The following ZFPM2 variants were observed in gnomAD, a reference collection of about 807,000 sequenced individuals.
The protein encoded by ZFPM2 is zinc finger protein, FOG family member 2.
Under a neutral mutation model 98.6 loss-of-function variants are expected in ZFPM2, and 20 were observed. That is an observed-to-expected ratio of 0.20 (90% confidence interval 0.14 to 0.29). The LOEUF is 0.29. Ranked by LOEUF, ZFPM2 falls within the 10% of genes least tolerant of loss-of-function variation. The pLI, the probability that ZFPM2 is intolerant of heterozygous loss-of-function variation, is 1.00. For missense variants in ZFPM2, 1,310 were observed against 1,388.6 expected (o/e 0.94, Z 0.90); for synonymous variants, 518 against 502.7 (o/e 1.03, Z -0.41).
chr8:105,724,093 A>T (rs1811740926), intron 5 of ZFPM2, among the ~76,000 whole-genome samples: 1 of 151,780 alleles, frequency 6.6e-6, no homozygotes, highest in Admixed American at 6.6e-5. Flanking sequence ...TTGTCATATA[A>T]TGACTTAGAT....
At chr8:105,718,625 G>A (rs9643019) in intron 5 of ZFPM2, among the ~76,000 whole-genome samples, 15,736 of 151,870 alleles carry the variant, frequency 0.1, 1,058 homozygotes, top group East Asian at 0.29. Flanking sequence ...ATTATCCGGT[G>A]TTAATAAATA....
intron 5 of ZFPM2, among the ~76,000 whole-genome samples, chr8:105,721,602 G>T (rs1352535694): frequency 6.6e-6 from 1 of 151,882 alleles, no homozygotes; most frequent in Non-Finnish European, 1.5e-5. Context: ...TTGTTGCCAG[G>T]TTACAGTTTT....
chr8:105,383,633 T>C (rs538881267), intron 1 of ZFPM2, among the ~76,000 whole-genome samples: 1 of 152,274 alleles, frequency 6.6e-6, no homozygotes, highest in South Asian at 2.1e-4. Flanking sequence ...ATACAACATA[T>C]AACATGAAAG....
chr8:105,575,909 T>C (rs1815455649), intron 4 of ZFPM2, among the ~76,000 whole-genome samples: 2 of 152,190 alleles, frequency 1.3e-5, no homozygotes, highest in East Asian at 3.9e-4. Context: ...AGTTAAGCTG[T>C]TTTGGAGCCT....
intron 3 of ZFPM2, among the ~76,000 whole-genome samples, chr8:105,448,558 T>G (rs1037214009): frequency 1.8e-4 from 27 of 152,198 alleles, no homozygotes; most frequent in African/African-American, 3.6e-4. Flanking sequence ...GCTTCTTTAA[T>G]TATTCATGTA....
chr8:105,629,689 A>G (rs1032041080), intron 4 of ZFPM2, among the ~76,000 whole-genome samples: 1 of 152,170 alleles, frequency 6.6e-6, no homozygotes, highest in African/African-American at 2.4e-5. Flanking sequence ...TGTTGGCAAC[A>G]TTTGGTACCT....
rs377354864 is a variant in ZFPM2 at position 105,438,365 on chromosome 8, C to T, written c.200-5915C>T. On this transcript the variant is annotated intron_variant, in intron 2 of 7. Transcript: ENST00000407775. ...TGTATTCTCAGTGCCCAACACAGTG[C>T]CTGGGCCTGAAAAAGCTGTGTTTTA... Among the ~76,000 whole-genome samples the T allele has an allele frequency of 9.9e-5, 15 of 152,262 alleles. No homozygotes were observed. The East Asian group carries it at 1.2e-3, about 12-fold the overall frequency.
intron 4 of ZFPM2, among the ~76,000 whole-genome samples, chr8:105,599,055 A>G (rs1381115283): frequency 2.0e-5 from 3 of 152,142 alleles, no homozygotes; most frequent in African/African-American, 7.2e-5. Flanking sequence ...CAGAATTTCC[A>G]GAAATCCAAA....
At chr8:105,588,381 C>G (rs1395053219) in intron 4 of ZFPM2, among the ~76,000 whole-genome samples, 1 of 151,622 alleles carries the variant, frequency 6.6e-6, no homozygotes, top group Non-Finnish European at 1.5e-5. Flanking sequence ...TTGGATGACA[C>G]AGAGAATATT....
chr8:105,496,014 A>C (rs777869420), intron 3 of ZFPM2, among the ~76,000 whole-genome samples: 7 of 152,228 alleles, frequency 4.6e-5, no homozygotes, highest in Non-Finnish European at 7.3e-5. Flanking sequence ...ATTACAAAAA[A>C]GCCGGGAATT....
intron 3 of ZFPM2, among the ~76,000 whole-genome samples, chr8:105,503,009 A>G (rs1404286566): frequency 6.6e-6 from 1 of 152,160 alleles, no homozygotes; most frequent in African/African-American, 2.4e-5. Context: ...TCCCTTTTAT[A>G]CCAAAAGGAG....
At chr8:105,618,520 C>T (rs1351150281) in intron 4 of ZFPM2, among the ~76,000 whole-genome samples, 2 of 152,094 alleles carry the variant, frequency 1.3e-5, no homozygotes, top group African/African-American at 2.4e-5. Context: ...AATGTGTTTT[C>T]TAGCCAGCCA....
At chr8:105,613,081 A>T (rs1037502082) in intron 4 of ZFPM2, among the ~76,000 whole-genome samples, 1 of 152,110 alleles carries the variant, frequency 6.6e-6, no homozygotes, top group Non-Finnish European at 1.5e-5. Context: ...ATTAAAACAG[A>T]TTTAAATGAT....
chr8:105,612,111 A>G (rs1369590042), intron 4 of ZFPM2, among the ~76,000 whole-genome samples: 1 of 152,186 alleles, frequency 6.6e-6, no homozygotes, highest in African/African-American at 2.4e-5. Context: ...TATTGAGTCT[A>G]TGCAGTTCTT....
intron 1 of ZFPM2, among the ~76,000 whole-genome samples, chr8:105,399,158 T>C (rs1811284188): frequency 6.6e-6 from 1 of 152,082 alleles, no homozygotes; most frequent in South Asian, 2.1e-4. Flanking sequence ...TTTGTAGGAG[T>C]TTGTGGGCCA....
At chr8:105,445,727 C>T (rs959336664) in intron 3 of ZFPM2, among the ~76,000 whole-genome samples, 9 of 151,648 alleles carry the variant, frequency 5.9e-5, no homozygotes, top group African/African-American at 1.7e-4. Flanking sequence ...ACCTCAGCCC[C>T]GCAAGTAGCT....
intron 4 of ZFPM2, 98 bp from the exon 5 acceptor site, chr8:105,634,148 T>A: frequency 1.1e-6 from 1 of 880,434 alleles, no homozygotes; most frequent in East Asian, 2.7e-5. Flanking sequence ...TTTGGGAGAT[T>A]TAGTTGTTTG....
intron 5 of ZFPM2, among the ~76,000 whole-genome samples, chr8:105,640,436 A>G (rs376071197): frequency 2.6e-5 from 4 of 152,206 alleles, no homozygotes; most frequent in East Asian, 3.9e-4. Context: ...AGACGGCTGC[A>G]CAGCAATCTC....
intron 3 of ZFPM2, among the ~76,000 whole-genome samples, chr8:105,450,779 C>T (rs933967735): frequency 2.0e-5 from 3 of 151,884 alleles, no homozygotes; most frequent in African/African-American, 7.3e-5. Context: ...AAAACTGGTA[C>T]AGACTTTTGA....
Sources: gnomAD v4.1 joint callset for allele counts (sites outside exome capture counted in the v4.1 genomes callset) on GRCh38, gnomAD v4.1.1 for gene constraint, MANE v1.5 for transcripts, NCBI Gene and HGNC (gene_info 2026-07-23, HGNC 2026-07-21) for gene names.